The following ZC3H13 variants were observed in gnomAD, a reference collection of about 807,000 sequenced individuals.
ZC3H13 encodes the protein zinc finger CCCH domain-containing protein 13.
ZC3H13 carries 64 observed loss-of-function variants against 204.1 expected under a neutral mutation model. That is an observed-to-expected ratio of 0.31 (90% CI 0.26 to 0.39). ZC3H13 has a LOEUF of 0.39. Ranked by LOEUF, ZC3H13 falls within the 10% of genes least tolerant of loss-of-function variation. ZC3H13 has a pLI of 1.00. For synonymous variants in ZC3H13, 667 were observed against 693.7 expected (o/e 0.96, Z 0.60); for missense variants, 1,833 against 2,082.7 (o/e 0.88, Z 2.33).
chr13:46,020,417 T>C (rs2042155317), intron 5 of ZC3H13, 32 bp downstream of exon 5: 8 of 1,527,912 alleles, frequency 5.2e-6, no homozygotes, highest in Non-Finnish European at 7.2e-6. Flanking sequence ...TAATCAAGAA[T>C]TCGCCATTTA....
chr13:46,019,529 A>T (rs1392796337), intron 5 of ZC3H13, among the ~76,000 whole-genome samples: 1 of 152,174 alleles, frequency 6.6e-6, no homozygotes, highest in African/African-American at 2.4e-5. Context: ...AATTACATTA[A>T]ATTGTCCACC....
chr13:45,999,033 T>A (rs968107680), intron 8 of ZC3H13, among the ~76,000 whole-genome samples: 1 of 151,994 alleles, frequency 6.6e-6, no homozygotes, highest in Non-Finnish European at 1.5e-5. Context: ...AGTCCAGGAG[T>A]TCAAGATCAG....
chr13:45,969,008 T>A lies in ZC3H13; in HGVS notation c.3536A>T (p.Gln1179Leu). Residue 1179 changes from glutamine to leucine, a missense_variant, in exon 14 of 19, where the codon CAG (glutamine) becomes CTG (leucine). Physicochemically the swap from Gln to Leu is moderately radical, Grantham distance 113. Coordinates refer to ENST00000679008, the MANE Select transcript of ZC3H13 (RefSeq NM_001330564.2). The stretch of plus-strand genomic sequence containing the variant: ...CTTTTGATCCATAGGCTTGCGATGC[T>A]GTGCATCTTCTATAGTCACGTGAGG... ...ETPHVTIEDA[Q>L]HRKPMDQKRS... The A allele has an allele frequency of 1.2e-6, 2 of 1,614,262 alleles. No homozygotes were observed.
chr13:46,044,946 T>C lies in ZC3H13; in HGVS notation c.227+9A>G. ...ATAGTACATGAACAATACAAAGTTCTCAGTTTACCTTCTATAATTGCTGCT... is the reference window on the plus strand; with the variant it reads ...ATAGTACATGAACAATACAAAGTTCCCAGTTTACCTTCTATAATTGCTGCT... On this transcript the variant is annotated intron_variant, in intron 3 of 18. Transcript: ENST00000679008. 1.3e-6 allele frequency: 2 copies of C among 1,598,888 alleles called. No homozygotes were observed. Among genetic ancestry groups the C allele is most frequent in the Non-Finnish European group, 1.7e-6 (2 of 1,170,386 alleles).
chr13:46,007,883 G>C (rs984305531), intron 7 of ZC3H13, among the ~76,000 whole-genome samples: 1 of 152,042 alleles, frequency 6.6e-6, no homozygotes, highest in African/African-American at 2.4e-5. Flanking sequence ...TGTACAAAGA[G>C]CTATAAAGAA....
chr13:45,965,133 C>T, intron 16 of ZC3H13, 147 bp downstream of exon 16: 1 of 992,502 alleles, frequency 1.0e-6, no homozygotes, highest in Non-Finnish European at 1.4e-6. Context: ...CTATAATTTT[C>T]ATTTTATTGG....
intron 10 of ZC3H13, among the ~76,000 whole-genome samples, chr13:45,980,966 A>G (rs934457665): frequency 3.3e-5 from 5 of 152,222 alleles, no homozygotes; most frequent in African/African-American, 1.2e-4. Context: ...ATACTATGCT[A>G]TAGATAAGAT....
intron 8 of ZC3H13, among the ~76,000 whole-genome samples, chr13:45,996,419 A>G (rs1448787182): frequency 6.6e-6 from 1 of 152,176 alleles, no homozygotes; most frequent in African/African-American, 2.4e-5. Context: ...TTGGGTTCCC[A>G]CTACAATAGG....
intron 14 of ZC3H13, 140 bp downstream of exon 14, chr13:45,968,608 G>T: frequency 9.1e-7 from 1 of 1,102,134 alleles, no homozygotes; most frequent in Non-Finnish European, 1.3e-6. Context: ...TGATAGGGCA[G>T]CTAAACTTTT....
chr13:46,046,244 G>T (rs556667168), intron 1 of ZC3H13, among the ~76,000 whole-genome samples: 38 of 152,110 alleles, frequency 2.5e-4, no homozygotes, highest in African/African-American at 8.9e-4. Flanking sequence ...AAATTCAAAG[G>T]TGTTAAAAGT....
intron 17 of ZC3H13, among the ~76,000 whole-genome samples, chr13:45,959,854 T>G (rs533870186): frequency 6.6e-6 from 1 of 152,218 alleles, no homozygotes; most frequent in Non-Finnish European, 1.5e-5. Context: ...AATATTCTGA[T>G]AGCCACTTTA....
intron 4 of ZC3H13, among the ~76,000 whole-genome samples, chr13:46,026,131 G>GA (rs1227883174): frequency 6.6e-6 from 1 of 151,846 alleles, no homozygotes; most frequent in Non-Finnish European, 1.5e-5. Flanking sequence ...TTATACTAAA[G>GA]AAAAATACCC....
At chr13:46,002,778 G>A (rs2040842574) in intron 8 of ZC3H13, among the ~76,000 whole-genome samples, 1 of 152,108 alleles carries the variant, frequency 6.6e-6, no homozygotes, top group South Asian at 2.1e-4. Context: ...GGTGGAAAGG[G>A]GGAGTTATTT....
rs773209501 is a variant in ZC3H13 at position 46,045,084 on chromosome 13, A to G, written c.118-20T>C. 1.7e-5 allele frequency: 26 copies of G among 1,557,176 alleles called. No individual in the cohort carries two copies. The highest frequency in any genetic ancestry group is 1.8e-5 in the Non-Finnish European group (21 of 1,149,014). On this transcript the variant is annotated intron_variant, in intron 2 of 18. Coordinates refer to ENST00000679008, the MANE Select transcript of ZC3H13 (RefSeq NM_001330564.2). ...CTGTGTCTAAGAGACAGATATTACT[A>G]TGTAAATTTCATATTTATTTCTGGA...
At position 45,975,805 on chromosome 13, in the gene ZC3H13, C is replaced by T. The variant is rs1294075214; in HGVS notation, c.1946G>A (p.Gly649Glu). The T allele has an allele frequency of 1.2e-6, 2 of 1,612,992 alleles. No individual in the cohort carries two copies. Among genetic ancestry groups the T allele is most frequent in the South Asian group, 1.1e-5 (1 of 91,016 alleles). ...QRPSSPIRHQ[G>E]RNDELERDER... ...ATCACGCTCAAGCTCGTCATTCCTT[C>T]CCTGATGTCGAATTGGTGAGCTTGG... The change falls in exon 12 of 19, where the codon GGA becomes GAA. Residue 649 changes from glycine (G) to glutamate (E), a missense_variant. Physicochemically the swap from Gly to Glu is moderately conservative, Grantham distance 98. Coordinates refer to ENST00000679008, the MANE Select transcript of ZC3H13 (RefSeq NM_001330564.2).
chr13:46,012,315 T>C (rs2041620876), intron 5 of ZC3H13, among the ~76,000 whole-genome samples: 1 of 152,116 alleles, frequency 6.6e-6, no homozygotes, highest in African/African-American at 2.4e-5. Flanking sequence ...CCCATCACGC[T>C]CATTTGCCAT....
At position 45,975,922 on chromosome 13, in the gene ZC3H13, C is replaced by T. The variant is rs913220859; in HGVS notation, c.1913-84G>A. On this transcript the variant is annotated intron_variant, in intron 11 of 18. Coordinates refer to ENST00000679008, the MANE Select transcript of ZC3H13 (RefSeq NM_001330564.2). Reference sequence around the variant, plus strand: ...CAGCATGGTAAATCTTAAATTTTATCTGTGATAGGGTCACACTGGCAACAA... The same window carrying T: ...CAGCATGGTAAATCTTAAATTTTATTTGTGATAGGGTCACACTGGCAACAA... 12 of 1,370,618 alleles carry T rather than the reference C, an allele frequency of 8.8e-6. No homozygotes were observed. In the African/African-American group the frequency reaches 3.9e-4, roughly 45 times the overall value. 84.9% of individuals were successfully genotyped at this position (1,370,618 alleles called of 1,614,324 possible).
chr13:45,991,557 T>C (rs561485309), intron 8 of ZC3H13, among the ~76,000 whole-genome samples: 217 of 152,362 alleles, frequency 1.4e-3, no homozygotes, highest in African/African-American at 5.0e-3. Flanking sequence ...TACAGAGCTA[T>C]AGTAAAGTAC....
At chr13:45,983,058 A>G (rs1463621181) in intron 10 of ZC3H13, among the ~76,000 whole-genome samples, 3 of 152,162 alleles carry the variant, frequency 2.0e-5, no homozygotes, top group Non-Finnish European at 4.4e-5. Flanking sequence ...ATGACAGAAC[A>G]AACAGACTAA....
Sources: allele counts gnomAD v4.1 joint callset (sites outside exome capture counted in the v4.1 genomes callset), GRCh38; gene constraint gnomAD v4.1.1; transcripts MANE v1.5; gene names NCBI Gene and HGNC (gene_info 2026-07-23, HGNC 2026-07-21).